The following TXNL1 variants were observed in gnomAD, a reference collection of about 807,000 sequenced individuals.
TXNL1 encodes thioredoxin like 1.
Under a neutral mutation model 35.5 loss-of-function variants are expected in TXNL1, and 14 were observed. The ratio of observed to expected loss-of-function variants is 0.39; its 90% CI spans 0.26 to 0.62. The LOEUF is 0.62. TXNL1 is among the 20% of genes least tolerant of loss of function. The pLI is 0.47. For missense variants in TXNL1, 263 were observed against 349.7 expected, an observed-to-expected ratio of 0.75 and a Z score of 1.98; for synonymous variants, 110 against 115.5, an observed-to-expected ratio of 0.95 and a Z score of 0.31.
chr18:56,616,200 C>G (rs1237206845), intron 5 of TXNL1, 45 bp downstream of exon 5: 2 of 1,532,220 alleles, frequency 1.3e-6, no homozygotes, highest in Non-Finnish European at 1.8e-6. Flanking sequence ...GCTAACAGTT[C>G]TACAAAGCAG....
chr18:56,616,522 G>A (rs1256250025), intron 4 of TXNL1, among the ~76,000 whole-genome samples: 2 of 152,070 alleles, frequency 1.3e-5, no homozygotes, highest in East Asian at 3.9e-4. Context: ...GTATATAAGG[G>A]AATACAAGAA....
chr18:56,613,976 G>A (rs1297032922), intron 6 of TXNL1, among the ~76,000 whole-genome samples: 5 of 151,744 alleles, frequency 3.3e-5, no homozygotes, highest in African/African-American at 9.7e-5. Context: ...AAGTCAGCCC[G>A]GGCAACACAG....
In TXNL1 at chr18:56,603,071, A is replaced by G. The variant is rs367577179; in HGVS notation, c.841-15T>C. 6.2e-6 allele frequency: 10 copies of G among 1,605,542 alleles called. No individual in the cohort carries two copies. The highest frequency in any genetic ancestry group is 1.3e-5 in the African/African-American group (1 of 74,864). ...TTGCCAACTACCTAGAAAAACAAAA[A>G]TAAGTTTATATGTACATCCTATTGA... On this transcript the variant is annotated splice_polypyrimidine_tract_variant and intron_variant, in intron 7 of 7. Transcript: ENST00000217515.
intron 1 of TXNL1, among the ~76,000 whole-genome samples, chr18:56,634,045 C>T (rs2024419203): frequency 1.3e-5 from 2 of 148,808 alleles, no homozygotes; most frequent in Admixed American, 1.3e-4. Flanking sequence ...AGGGGGGAGA[C>T]CAGGGACAAC....
In TXNL1 at chr18:56,616,789, G is replaced by T. The variant is rs555424075; in HGVS notation, c.493-475C>A. Among the ~76,000 whole-genome samples, 23 of 152,214 alleles carry T rather than the reference G, an allele frequency of 1.5e-4. No homozygotes were observed. In the East Asian group the frequency reaches 4.2e-3, roughly 28 times the overall value. On this transcript the variant is annotated intron_variant, in intron 4 of 7. Transcript: ENST00000217515. ...TCTAATCCCAAACTCAAGAGAATAG[G>T]GTTCTTATAGCTCTGAAGTAACCTC...
At chr18:56,622,598 G>A (rs2024207157) in intron 3 of TXNL1, among the ~76,000 whole-genome samples, 1 of 152,086 alleles carries the variant, frequency 6.6e-6, no homozygotes, top group Non-Finnish European at 1.5e-5. Context: ...CATAACATTT[G>A]CACAAAAACT....
At chr18:56,604,801 A>G (rs1179368689) in intron 7 of TXNL1, among the ~76,000 whole-genome samples, 3 of 152,192 alleles carry the variant, frequency 2.0e-5, no homozygotes, top group African/African-American at 4.8e-5. Context: ...AACACCCCTC[A>G]ACTGAAATGT....
At chr18:56,621,048 T>C (rs1201798728) in intron 3 of TXNL1, among the ~76,000 whole-genome samples, 1 of 152,216 alleles carries the variant, frequency 6.6e-6, no homozygotes. Context: ...TTGTCTTCCA[T>C]CCTATCTATA....
chr18:56,637,818 T>C (rs1244581582), intron 1 of TXNL1, among the ~76,000 whole-genome samples: 3 of 152,198 alleles, frequency 2.0e-5, no homozygotes, highest in African/African-American at 7.2e-5. Flanking sequence ...AACGTTAACT[T>C]AGTTCGAAAT....
chr18:56,624,728 A>G (rs1255428005), intron 2 of TXNL1, among the ~76,000 whole-genome samples: 1 of 152,212 alleles, frequency 6.6e-6, no homozygotes, highest in East Asian at 1.9e-4. Flanking sequence ...TAGAAAAATT[A>G]GCTTCCAATG....
chr18:56,624,550 T>TA, intron 2 of TXNL1, 89 bp from the exon 3 acceptor site: 2 of 1,384,882 alleles, frequency 1.4e-6, no homozygotes, highest in Non-Finnish European at 2.0e-6. Flanking sequence ...TTAAATACCA[T>TA]AAGCATGAAC....
chr18:56,628,747 ATTAAT>A lies in TXNL1; in HGVS notation c.99-2295_99-2291del, dbSNP rs1434173436. ...AAATAGGTGTGTTCAGTTTGTGAAAATTAATTGAACTATACATTTCTAATTGTGTG... is the reference window on the plus strand; with the variant it reads ...AAATAGGTGTGTTCAGTTTGTGAAAATGAACTATACATTTCTAATTGTGTG... On this transcript the variant is annotated intron_variant, in intron 1 of 7. Transcript: ENST00000217515. Among the ~76,000 whole-genome samples, 5 of 152,338 alleles carry A rather than the reference ATTAAT, an allele frequency of 3.3e-5. No homozygotes were observed. The East Asian group carries it at 9.7e-4, about 29-fold the overall frequency.
chr18:56,607,810 C>G (rs542482166), intron 7 of TXNL1, among the ~76,000 whole-genome samples: 1 of 152,036 alleles, frequency 6.6e-6, no homozygotes, highest in Non-Finnish European at 1.5e-5. Context: ...GAGCTGAGAT[C>G]GCACCATTGC....
intron 2 of TXNL1, among the ~76,000 whole-genome samples, chr18:56,625,219 A>C (rs1277882093): frequency 6.6e-6 from 1 of 152,170 alleles, no homozygotes; most frequent in African/African-American, 2.4e-5. Flanking sequence ...CCTCTAGGTG[A>C]AAAAACTATG....
chr18:56,625,651 G>T (rs1049798421), intron 2 of TXNL1, among the ~76,000 whole-genome samples: 2 of 151,990 alleles, frequency 1.3e-5, no homozygotes, highest in African/African-American at 4.8e-5. Context: ...TGTAATGTAG[G>T]GTTTTCAACA....
rs1447602321 is a variant in TXNL1, at chr18:56,602,947, A to C, written c.*80T>G. ...GGTAATGGCAATGAATGAAACATTG[A>C]CAGTCTCTGGCGAGAATCAAGCAAT... On this transcript the variant is annotated 3_prime_UTR_variant, in exon 8 of 8. Coordinates refer to ENST00000217515, the MANE Select transcript of TXNL1 (RefSeq NM_004786.3). 2.2e-6 allele frequency: 3 copies of C among 1,382,232 alleles called. No homozygotes were observed. The highest frequency in any genetic ancestry group is 3.4e-5 in the Admixed American group (2 of 58,826). 85.6% of individuals were successfully genotyped at this position (1,382,232 alleles called of 1,614,324 possible).
chr18:56,620,479 G>A (rs1032523251), intron 3 of TXNL1, among the ~76,000 whole-genome samples: 26 of 152,062 alleles, frequency 1.7e-4, no homozygotes, highest in Non-Finnish European at 3.5e-4. Flanking sequence ...ATCTTTATAC[G>A]GATTTGGCAA....
chr18:56,600,433 C>T lies in TXNL1; in HGVS notation c.*2594G>A, dbSNP rs1200882188. The T allele has an allele frequency of 1.4e-5, 2 of 145,584 alleles. No individual in the cohort carries two copies. Among genetic ancestry groups the T allele is most frequent in the African/African-American group, 5.1e-5 (2 of 39,492 alleles). The allele number at this position is 145,584 out of a possible 1,614,324, so 9.0% of individuals were successfully genotyped here. A position where few individuals can be genotyped will look rare whatever the true frequency, so the allele number is the denominator to read the frequency against. ...TTCAACTCTAATTGTTACGTGGCTG[C>T]CTCCAACAGAATATTGAGACTGGGG... On this transcript the variant is annotated 3_prime_UTR_variant, in exon 8 of 8. Coordinates refer to ENST00000217515, the MANE Select transcript of TXNL1 (RefSeq NM_004786.3).
intron 5 of TXNL1, 113 bp downstream of exon 5, chr18:56,616,131 CA>C (rs778338602): frequency 0.21 from 138,179 of 664,434 alleles, 33 homozygotes; most frequent in South Asian, 0.25. Context: ...GACTCTGTCT[CA>C]AAAAAAAAAA....
Sources: allele counts gnomAD v4.1 joint callset (sites outside exome capture counted in the v4.1 genomes callset), GRCh38; gene constraint gnomAD v4.1.1; transcripts MANE v1.5; gene names NCBI Gene and HGNC (gene_info 2026-07-23, HGNC 2026-07-21).